CADPS: variants seen among roughly 807,000 people sequenced by gnomAD.
The protein encoded by CADPS is calcium dependent secretion activator.
CADPS carries 57 observed loss-of-function variants against 167.3 expected under a neutral mutation model. The observed-to-expected ratio is 0.34, with a 90% CI of 0.28 to 0.42. The LOEUF (loss-of-function observed/expected upper bound fraction) is 0.42. CADPS is among the 20% of genes least tolerant of loss of function. The pLI is 1.00. For missense variants in CADPS, 1,414 were observed against 1,738.1 expected (o/e 0.81, Z 3.32); for synonymous variants, 676 against 635.3 (o/e 1.06, Z -0.96).
chr3:62,411,746 C>T (rs1471403545), intron 28 of CADPS, among the ~76,000 whole-genome samples: 1 of 152,196 alleles, frequency 6.6e-6, no homozygotes, highest in African/African-American at 2.4e-5. Context: ...CTGGCACGTT[C>T]AAGCCGTCTA....
At chr3:62,573,826 TG>T (rs1237833084) in intron 8 of CADPS, among the ~76,000 whole-genome samples, 1 of 152,230 alleles carries the variant, frequency 6.6e-6, no homozygotes, top group East Asian at 1.9e-4. Context: ...TGTGAGTTTC[TG>T]GAGGGAAGGA....
intron 3 of CADPS, among the ~76,000 whole-genome samples, chr3:62,699,720 C>T (rs974795327): frequency 6.6e-6 from 1 of 152,062 alleles, no homozygotes; most frequent in Non-Finnish European, 1.5e-5. Flanking sequence ...AGGCATCTGC[C>T]ACCACACCCG....
intron 2 of CADPS, among the ~76,000 whole-genome samples, chr3:62,755,586 C>A (rs969194642): frequency 6.6e-6 from 1 of 152,026 alleles, no homozygotes; most frequent in Non-Finnish European, 1.5e-5. Flanking sequence ...CATCACAAAG[C>A]GTTTCTGGGG....
At chr3:62,551,118 C>T (rs184737318) in intron 10 of CADPS, among the ~76,000 whole-genome samples, 9 of 152,236 alleles carry the variant, frequency 5.9e-5, no homozygotes, top group Admixed American at 5.9e-4. Context: ...CAACCTGGAC[C>T]TCTCCCCTGG....
chr3:62,424,306 C>T (rs1473890742), intron 28 of CADPS, among the ~76,000 whole-genome samples: 1 of 152,194 alleles, frequency 6.6e-6, no homozygotes, highest in Non-Finnish European at 1.5e-5. Flanking sequence ...GCCTCAGCCT[C>T]CCGAGTAGGT....
intron 1 of CADPS, among the ~76,000 whole-genome samples, chr3:62,790,683 A>G (rs951101190): frequency 6.6e-6 from 1 of 152,158 alleles, no homozygotes; most frequent in Admixed American, 6.5e-5. Context: ...AGGATTGGAA[A>G]AAGTGATTTT....
intron 29 of CADPS, among the ~76,000 whole-genome samples, chr3:62,401,089 A>G (rs1302797919): frequency 6.6e-6 from 1 of 152,212 alleles, no homozygotes; most frequent in Non-Finnish European, 1.5e-5. Flanking sequence ...TCAATCATGC[A>G]TCAACCTGCA....
chr3:62,527,518 C>T (rs1408134356), intron 13 of CADPS, among the ~76,000 whole-genome samples: 1 of 152,078 alleles, frequency 6.6e-6, no homozygotes, highest in African/African-American at 2.4e-5. Flanking sequence ...GTGGATGGTT[C>T]CATACATCCC....
chr3:62,489,238 G>T (rs952441869), intron 21 of CADPS, among the ~76,000 whole-genome samples: 1 of 151,980 alleles, frequency 6.6e-6, no homozygotes, highest in African/African-American at 2.4e-5. Flanking sequence ...TCGGCTCACT[G>T]CAAGCTCCAC....
chr3:62,408,291 T>C (rs1261268617), intron 28 of CADPS, among the ~76,000 whole-genome samples: 1 of 152,212 alleles, frequency 6.6e-6, no homozygotes, highest in Non-Finnish European at 1.5e-5. Context: ...TAATGAAAAT[T>C]TTGATATTTC....
chr3:62,585,170 G>A lies in CADPS; in HGVS notation c.1577+15C>T. 1 of 1,611,804 alleles carries A rather than the reference G, an allele frequency of 6.2e-7. No homozygotes were observed. The highest frequency in any genetic ancestry group is 8.5e-7 in the Non-Finnish European group (1 of 1,178,076). On this transcript the variant is annotated intron_variant, in intron 8 of 29. Transcript: ENST00000383710. ...ACGTGTGTCCAAAACTGCTAGTTGG[G>A]GAAGAAACACTTACCCAGAATGCTT...
intron 9 of CADPS, 90 bp from the exon 10 acceptor site, chr3:62,557,603 G>T: frequency 1.0e-6 from 1 of 998,222 alleles, no homozygotes; most frequent in Non-Finnish European, 1.6e-6. Context: ...TGAGGATCTG[G>T]ACTGAGTGGC....
chr3:62,810,466 C>T (rs757442145), intron 1 of CADPS, among the ~76,000 whole-genome samples: 17 of 152,002 alleles, frequency 1.1e-4, no homozygotes, highest in Non-Finnish European at 2.1e-4. Flanking sequence ...CAAGTACATG[C>T]CCACTAAATA....
chr3:62,786,998 T>G (rs908758330), intron 1 of CADPS, among the ~76,000 whole-genome samples: 2 of 152,078 alleles, frequency 1.3e-5, no homozygotes, highest in African/African-American at 4.8e-5. Flanking sequence ...CAAGTATTTT[T>G]TTAAAAAACC....
At position 62,617,275 on chromosome 3, in the gene CADPS, T is replaced by C. The variant is rs1029880118; in HGVS notation, c.1326-24527A>G. Among the ~76,000 whole-genome samples, 13 of 152,062 alleles carry C rather than the reference T, an allele frequency of 8.5e-5. 1 individual carries two copies. Among genetic ancestry groups the C allele is most frequent in the East Asian group, 7.8e-4 (4 of 5,156 alleles). On this transcript the variant is annotated intron_variant, in intron 6 of 29. Transcript: ENST00000383710. ...CACTGTGGTTCAGAGGAGAACGAGA[T>C]TGATGTGGTAGCAGGGATTTGGGAA...
At chr3:62,521,360 A>G (rs1477699281) in intron 13 of CADPS, among the ~76,000 whole-genome samples, 2 of 152,206 alleles carry the variant, frequency 1.3e-5, no homozygotes, top group African/African-American at 2.4e-5. Context: ...TTTAACTATG[A>G]ATCCCTTCCA....
chr3:62,481,698 G>C (rs762244117), intron 22 of CADPS, 25 bp downstream of exon 22: 12 of 1,556,028 alleles, frequency 7.7e-6, no homozygotes, highest in African/African-American at 5.6e-5. Flanking sequence ...ATTTAAATGA[G>C]ATCTAATGTG....
intron 21 of CADPS, among the ~76,000 whole-genome samples, chr3:62,489,518 A>T (rs1470737479): frequency 1.3e-5 from 2 of 152,224 alleles, no homozygotes; most frequent in African/African-American, 4.8e-5. Flanking sequence ...ATTATCACGA[A>T]GTTCCATGAC....
intron 1 of CADPS, among the ~76,000 whole-genome samples, chr3:62,814,745 T>G (rs1014281866): frequency 2.0e-5 from 3 of 152,210 alleles, no homozygotes; most frequent in Non-Finnish European, 4.4e-5. Flanking sequence ...ATGTTTCAAA[T>G]GAAGCTAGGG....
Sources: gnomAD v4.1 joint callset for allele counts (sites outside exome capture counted in the v4.1 genomes callset) on GRCh38, gnomAD v4.1.1 for gene constraint, MANE v1.5 for transcripts, NCBI Gene and HGNC (gene_info 2026-07-23, HGNC 2026-07-21) for gene names.